Variants in PLBD1 observed in about 807,000 individuals in gnomAD.
The protein encoded by PLBD1 is lysosomal leucine aminopeptidase.
Under a neutral mutation model 63.0 loss-of-function variants are expected in PLBD1, and 60 were observed. The observed-to-expected ratio is 0.95, with a 90% CI of 0.77 to 1.18. The LOEUF (loss-of-function observed/expected upper bound fraction) is 1.18. Among genes scored for constraint, PLBD1 ranks in the 50% most tolerant of loss-of-function variants. The probability of loss-of-function intolerance (pLI) is 0.00; values close to 1 mark genes in which losing one functional copy is unlikely to be tolerated. For missense variants in PLBD1, 598 were observed against 677.9 expected, an observed-to-expected ratio of 0.88 and a Z score of 1.31; for synonymous variants, 262 against 248.0, an observed-to-expected ratio of 1.06 and a Z score of -0.53.
intron 2 of PLBD1, among the ~76,000 whole-genome samples, chr12:14,546,594 T>C (rs1398612498): frequency 6.6e-6 from 1 of 152,116 alleles, no homozygotes; most frequent in Non-Finnish European, 1.5e-5. Context: ...ACATTTTTGG[T>C]TGTCACACTG....
At chr12:14,556,467 T>A (rs1334159870) in intron 1 of PLBD1, among the ~76,000 whole-genome samples, 5 of 151,890 alleles carry the variant, frequency 3.3e-5, no homozygotes, top group Non-Finnish European at 7.4e-5. Context: ...CCTCCCAGTT[T>A]CAAACGATTC....
At position 14,511,370 on chromosome 12, in the gene PLBD1, T is replaced by C. The variant is rs747307205; in HGVS notation, c.1076A>G (p.Asp359Gly). 45 of 1,613,730 alleles carry C rather than the reference T, an allele frequency of 2.8e-5. No individual in the cohort carries two copies. Among genetic ancestry groups the C allele is most frequent in the Non-Finnish European group, 3.7e-5 (44 of 1,179,866 alleles). ...GTGGTTCAGCTTTACTTTCTTCAGG[T>C]CCAGAACCATGTATTGATTGTTATA... Reference protein sequence around the residue: ...GTYNNQYMVLDLKKVKLNHSL... With the variant: ...GTYNNQYMVLGLKKVKLNHSL... The change falls in exon 8 of 11, where the codon GAC (aspartate) becomes GGC (glycine). Residue 359 changes from aspartate to glycine, a missense_variant. Coordinates refer to ENST00000240617, the MANE Select transcript of PLBD1 (RefSeq NM_024829.6).
intron 6 of PLBD1, 27 bp downstream of exon 6, chr12:14,535,632 C>T: frequency 6.2e-7 from 1 of 1,612,082 alleles, no homozygotes; most frequent in African/African-American, 1.3e-5. Flanking sequence ...ACTCAAAGTG[C>T]TCAGATGTTC....
At chr12:14,548,329 T>C (rs1168125691) in intron 2 of PLBD1, among the ~76,000 whole-genome samples, 1 of 151,638 alleles carries the variant, frequency 6.6e-6, no homozygotes, top group African/African-American at 2.4e-5. Context: ...TGGTGGTGCA[T>C]GCCTGTAATC....
At chr12:14,540,032 A>G (rs1945556377) in intron 4 of PLBD1, among the ~76,000 whole-genome samples, 1 of 50,282 alleles carries the variant, frequency 2.0e-5, no homozygotes, top group Admixed American at 2.7e-4. Flanking sequence ...ATATATATAT[A>G]TATATATATA....
intron 6 of PLBD1, among the ~76,000 whole-genome samples, chr12:14,535,062 C>T (rs994468513): frequency 2.6e-5 from 4 of 152,186 alleles, no homozygotes; most frequent in African/African-American, 9.7e-5. Flanking sequence ...ATGTGAGTCT[C>T]ACCTCCTTGG....
chr12:14,563,712 C>T (rs1442679611), intron 1 of PLBD1, among the ~76,000 whole-genome samples: 2 of 152,176 alleles, frequency 1.3e-5, no homozygotes, highest in Non-Finnish European at 2.9e-5. Flanking sequence ...TAATACCCAT[C>T]TTCCAGTTGA....
At chr12:14,538,375 G>A (rs1428109665) in intron 4 of PLBD1, among the ~76,000 whole-genome samples, 1 of 151,788 alleles carries the variant, frequency 6.6e-6, no homozygotes, top group Admixed American at 6.6e-5. Flanking sequence ...GTAGTTTTTT[G>A]TAGAGATGGG....
At chr12:14,567,478 C>A (rs901680743) in intron 1 of PLBD1, 104 bp downstream of exon 1, 22 of 1,363,554 alleles carry the variant, frequency 1.6e-5, no homozygotes, top group Non-Finnish European at 2.0e-5. Flanking sequence ...ACCCAGGAAC[C>A]AGACGCCCGC....
At chr12:14,517,147 T>TTGTTTG (rs1181092125) in intron 6 of PLBD1, among the ~76,000 whole-genome samples, 1 of 152,156 alleles carries the variant, frequency 6.6e-6, no homozygotes, top group Non-Finnish European at 1.5e-5. Flanking sequence ...TTTTAGTTTT[T>TTGTTTG]TGTTTGTGTT....
At chr12:14,529,427 AAC>A (rs1485363225) in intron 6 of PLBD1, among the ~76,000 whole-genome samples, 1 of 152,166 alleles carries the variant, frequency 6.6e-6, no homozygotes, top group Non-Finnish European at 1.5e-5. Context: ...TACAGAGAAT[AAC>A]ACATCATGAC....
Position 14,540,863 on chromosome 12 carries a change from G to C in PLBD1, c.459C>G (p.Tyr153Ter). The C allele has an allele frequency of 1.2e-6, 2 of 1,606,698 alleles. No individual in the cohort carries two copies. Among genetic ancestry groups the C allele is most frequent in the South Asian group, 1.1e-5 (1 of 90,280 alleles). Residue 153 changes from tyrosine to a stop codon, truncating the protein, a stop_gained, in exon 4 of 11, where the codon TAC (tyrosine) becomes TAG (stop). Coordinates refer to ENST00000240617, the MANE Select transcript of PLBD1 (RefSeq NM_024829.6). LOFTEE classifies it high-confidence loss of function. The part of the protein sequence containing the change: ...DKWTRKNIKE[Y>*]KTDSFWRHTG... ...TATGTCTCCAAAATGAATCAGTCTT[G>C]TATTCTTTGATATTTTTCCGGGTCC...
chr12:14,566,523 G>C (rs1027455244), intron 1 of PLBD1, among the ~76,000 whole-genome samples: 12 of 152,112 alleles, frequency 7.9e-5, no homozygotes, highest in Non-Finnish European at 1.8e-4. Context: ...CTTAGTTACA[G>C]TTCATAATCT....
chr12:14,515,654 T>C (rs941731749), intron 6 of PLBD1, among the ~76,000 whole-genome samples: 1 of 152,202 alleles, frequency 6.6e-6, no homozygotes, highest in Non-Finnish European at 1.5e-5. Flanking sequence ...TTACAACATA[T>C]ATTTATTAAA....
At chr12:14,513,609 C>G (rs116848905) in intron 6 of PLBD1, among the ~76,000 whole-genome samples, 1 of 152,088 alleles carries the variant, frequency 6.6e-6, no homozygotes, top group Non-Finnish European at 1.5e-5. Flanking sequence ...TCCTGCTTGC[C>G]TCTAATGAAT....
intron 10 of PLBD1, among the ~76,000 whole-genome samples, chr12:14,504,836 T>C (rs1194021920): frequency 6.6e-6 from 1 of 152,202 alleles, no homozygotes; most frequent in Admixed American, 6.5e-5. Flanking sequence ...AAAATGACTC[T>C]AAAGAGATAA....
At chr12:14,517,748 G>T (rs11056006) in intron 6 of PLBD1, among the ~76,000 whole-genome samples, 47,693 of 152,130 alleles carry the variant, frequency 0.31, 8,575 homozygotes, top group East Asian at 0.57. Flanking sequence ...GGATGTCAAA[G>T]AACTGCACTT....
chr12:14,564,026 G>C (rs886851935), intron 1 of PLBD1, among the ~76,000 whole-genome samples: 1 of 152,156 alleles, frequency 6.6e-6, no homozygotes, highest in Non-Finnish European at 1.5e-5. Context: ...GATCACTTGC[G>C]AGCAAGAGTT....
chr12:14,522,862 A>T (rs1453306290), intron 6 of PLBD1, among the ~76,000 whole-genome samples: 1 of 152,118 alleles, frequency 6.6e-6, no homozygotes, highest in Non-Finnish European at 1.5e-5. Context: ...AAGAAATGTA[A>T]CTCAACACAA....
Sources: gnomAD v4.1 joint callset for allele counts (sites outside exome capture counted in the v4.1 genomes callset) on GRCh38, gnomAD v4.1.1 for gene constraint, MANE v1.5 for transcripts, NCBI Gene and HGNC (gene_info 2026-07-23, HGNC 2026-07-21) for gene names.